RNLS: variants seen among roughly 807,000 people sequenced by gnomAD.
The protein encoded by RNLS is renalase.
A neutral mutation model predicts 39.8 loss-of-function variants in RNLS; 39 were observed. The ratio of observed to expected loss-of-function variants is 0.98; its 90% confidence interval spans 0.76 to 1.28. The LOEUF is 1.28. RNLS is among the 50% of genes most tolerant of loss of function. The pLI, the probability that RNLS is intolerant of heterozygous loss-of-function variation, is 0.00. For missense variants in RNLS, 410 were observed against 413.3 expected (o/e 0.99, Z 0.07); for synonymous variants, 147 against 150.7 (o/e 0.98, Z 0.18).
intron 4 of RNLS, among the ~76,000 whole-genome samples, chr10:88,568,275 T>C (rs1029200339): frequency 6.6e-6 from 1 of 151,954 alleles, no homozygotes; most frequent in Non-Finnish European, 1.5e-5. Flanking sequence ...TAGGGACAGA[T>C]AGTAGATTAA....
chr10:88,442,600 T>C (rs934568107), intron 4 of RNLS, among the ~76,000 whole-genome samples: 1 of 152,124 alleles, frequency 6.6e-6, no homozygotes. Context: ...ACCACACTTT[T>C]CTTACCTCTC....
chr10:88,443,662 A>T (rs1008778010), intron 4 of RNLS, among the ~76,000 whole-genome samples: 1 of 152,324 alleles, frequency 6.6e-6, no homozygotes, highest in South Asian at 2.1e-4. Flanking sequence ...ACACCAGGAG[A>T]TTATATCCCG....
In RNLS at chr10:88,285,059, AT is replaced by A. The variant is rs36077330; in HGVS notation, c.*294del. The A allele has an allele frequency of 1.4e-5, 14 of 1,011,418 alleles. No homozygotes were observed. In the South Asian group the frequency reaches 4.0e-4, roughly 29 times the overall value. The allele number at this position is 1,011,418 out of a possible 1,614,324, so 62.7% of individuals were successfully genotyped here. ...CAAACTGTTATTGTGATTTAATGTA[AT>A]TTTTTTGAGAGAGTCGTTTGTTATT... On this transcript the variant is annotated 3_prime_UTR_variant, in exon 7 of 7. Transcript: ENST00000331772.
intron 5 of RNLS, among the ~76,000 whole-genome samples, chr10:88,351,366 T>G (rs1400125249): frequency 2.6e-5 from 4 of 152,236 alleles, no homozygotes; most frequent in Non-Finnish European, 4.4e-5. Context: ...GTTTTAGGTC[T>G]AACATTTAAG....
the RNLS span, among the ~76,000 whole-genome samples, chr10:88,251,374 T>C: frequency 6.6e-6 from 1 of 152,250 alleles, no homozygotes; most frequent in East Asian, 1.9e-4. Context: ...CATGTGACTT[T>C]GAACAATTTA....
At chr10:88,301,381 G>A (rs188407834) in intron 6 of RNLS, among the ~76,000 whole-genome samples, 173 of 152,196 alleles carry the variant, frequency 1.1e-3, no homozygotes, top group African/African-American at 3.7e-3. Flanking sequence ...ATTACTCAAC[G>A]CAATGCTTAT....
At chr10:88,447,020 A>G (rs1031690397) in intron 4 of RNLS, among the ~76,000 whole-genome samples, 6 of 152,240 alleles carry the variant, frequency 3.9e-5, no homozygotes, top group Admixed American at 2.6e-4. Context: ...TCTCAAAACA[A>G]TAAGAGCTAT....
chr10:88,340,595 T>TAAA (rs1847857820), intron 5 of RNLS, among the ~76,000 whole-genome samples: 1 of 152,132 alleles, frequency 6.6e-6, no homozygotes, highest in South Asian at 2.1e-4. Flanking sequence ...TGATACTACC[T>TAAA]CTTCAATCCA....
At position 88,500,822 on chromosome 10, in the gene RNLS, A is replaced by T. The variant is rs538548496; in HGVS notation, c.526+72081T>A. Among the ~76,000 whole-genome samples, 4 of 152,270 alleles carry T rather than the reference A, an allele frequency of 2.6e-5. No homozygotes were observed. The East Asian group carries it at 7.7e-4, about 29-fold the overall frequency. On this transcript the variant is annotated intron_variant, in intron 4 of 6. Coordinates refer to ENST00000331772, the MANE Select transcript of RNLS (RefSeq NM_001031709.3). ...ATCTTACCCCTTTAAGAGATTACTC[A>T]CAAGTAATGTAGTAGTGGGAGATAT...
At chr10:88,362,803 TA>T (rs1849745939) in intron 4 of RNLS, 78 bp from the exon 5 acceptor site, 1 of 1,391,586 alleles carries the variant, frequency 7.2e-7, no homozygotes, top group Non-Finnish European at 9.7e-7. Flanking sequence ...AAAATTCCTT[TA>T]AACCAGTTAC....
chr10:88,366,268 C>T (rs1164806915), intron 4 of RNLS, among the ~76,000 whole-genome samples: 1 of 151,980 alleles, frequency 6.6e-6, no homozygotes, highest in African/African-American at 2.4e-5. Flanking sequence ...AGCTACTACT[C>T]GTTATGAGCC....
At chr10:88,172,840 TTG>T in the RNLS span, among the ~76,000 whole-genome samples, 1 of 113,690 alleles carries the variant, frequency 8.8e-6, no homozygotes, top group African/African-American at 3.5e-5. Flanking sequence ...GCATTTTGAG[TTG>T]TTTTTTTTTT....
the RNLS span, among the ~76,000 whole-genome samples, chr10:88,225,587 A>G: frequency 1.3e-5 from 2 of 152,086 alleles, no homozygotes; most frequent in South Asian, 4.2e-4. Flanking sequence ...GGTGGCAGGC[A>G]TCTGTACTCC....
the RNLS span, among the ~76,000 whole-genome samples, chr10:88,233,331 G>T: frequency 2.6e-5 from 4 of 152,232 alleles, no homozygotes; most frequent in Admixed American, 1.3e-4. Context: ...GGAAGGGGCA[G>T]AATGTTCACT....
intron 4 of RNLS, among the ~76,000 whole-genome samples, chr10:88,380,802 A>G (rs1407600310): frequency 1.3e-5 from 2 of 152,162 alleles, no homozygotes; most frequent in African/African-American, 4.8e-5. Flanking sequence ...CTCTGACTCT[A>G]TCTTGAATTT....
At position 88,507,188 on chromosome 10, in the gene RNLS, C is replaced by T. The variant is rs138538259; in HGVS notation, c.526+65715G>A. ...ATTTACTGTTAACCATCAGTCAAGT[C>T]CAAGAGCTATGAGAGATGAAATATA... On this transcript the variant is annotated intron_variant, in intron 4 of 6. Coordinates refer to ENST00000331772, the MANE Select transcript of RNLS (RefSeq NM_001031709.3). Among the ~76,000 whole-genome samples, 7 of 152,126 alleles carry T rather than the reference C, an allele frequency of 4.6e-5. No individual in the cohort carries two copies. In the East Asian group the frequency reaches 1.4e-3, roughly 29 times the overall value.
chr10:88,461,398 G>A (rs1476291531), intron 4 of RNLS, among the ~76,000 whole-genome samples: 2 of 152,084 alleles, frequency 1.3e-5, no homozygotes, highest in Admixed American at 6.6e-5. Flanking sequence ...TTTAAAGCAA[G>A]CAGGCTTTCT....
At chr10:88,301,384 A>T (rs1314453456) in intron 6 of RNLS, among the ~76,000 whole-genome samples, 1 of 152,152 alleles carries the variant, frequency 6.6e-6, no homozygotes, top group Admixed American at 6.5e-5. Flanking sequence ...ACTCAACGCA[A>T]TGCTTATGAT....
At chr10:88,541,559 T>C (rs1435115691) in intron 4 of RNLS, among the ~76,000 whole-genome samples, 2 of 152,180 alleles carry the variant, frequency 1.3e-5, no homozygotes, top group Non-Finnish European at 2.9e-5. Flanking sequence ...TGAACCTCTC[T>C]AGACTGTTCC....
Sources: allele counts gnomAD v4.1 joint callset (sites outside exome capture counted in the v4.1 genomes callset), GRCh38; gene constraint gnomAD v4.1.1; transcripts MANE v1.5; gene names NCBI Gene and HGNC (gene_info 2026-07-23, HGNC 2026-07-21).